KIF26B: variants seen among roughly 807,000 people sequenced by gnomAD.
The protein encoded by KIF26B is kinesin family member 26B.
KIF26B carries 63 observed loss-of-function variants against 151.2 expected under a neutral mutation model. The observed-to-expected ratio is 0.42, with a 90% CI of 0.34 to 0.51. KIF26B has a LOEUF of 0.51. Among genes scored for constraint, KIF26B ranks in the 20% least tolerant of loss-of-function variants. The pLI is 0.07. For synonymous variants in KIF26B, 1,357 were observed against 1,262.1 expected (o/e 1.08, Z -1.59); for missense variants, 2,813 against 2,913.6 (o/e 0.97, Z 0.79).
intron 3 of KIF26B, among the ~76,000 whole-genome samples, chr1:245,396,635 C>CA (rs34135318): frequency 2.4e-3 from 320 of 134,780 alleles, no homozygotes; most frequent in Non-Finnish European, 3.9e-3. Context: ...AACTCCATCT[C>CA]AAAAAAAAAA....
chr1:245,548,194 C>T (rs972224613), intron 5 of KIF26B, among the ~76,000 whole-genome samples: 1 of 152,112 alleles, frequency 6.6e-6, no homozygotes, highest in Admixed American at 6.5e-5. Flanking sequence ...AGGTTGTTAG[C>T]TTCTTGGGAG....
intron 4 of KIF26B, among the ~76,000 whole-genome samples, chr1:245,430,724 C>T (rs1004756950): frequency 6.6e-6 from 1 of 152,112 alleles, no homozygotes; most frequent in South Asian, 2.1e-4. Flanking sequence ...ATATGCCACA[C>T]ACTATTCTGA....
chr1:245,251,285 C>T (rs1436965063), intron 2 of KIF26B, among the ~76,000 whole-genome samples: 2 of 152,092 alleles, frequency 1.3e-5, no homozygotes, highest in Admixed American at 1.3e-4. Flanking sequence ...ATGGTAGGAA[C>T]CCTCCTGAAA....
Position 245,575,452 on chromosome 1 carries a change from G to A in KIF26B, c.1351-27125G>A, listed in dbSNP as rs540272444. 2.0e-5 allele frequency among the ~76,000 whole-genome samples: 3 copies of A among 151,600 alleles called. No homozygotes were observed. The South Asian group carries it at 6.3e-4, about 32-fold the overall frequency. On this transcript the variant is annotated intron_variant, in intron 5 of 14. Transcript: ENST00000407071. ...ATCGTGCCACTATACTCCAGCCTGG[G>A]CAACAGTGTGGGACTCCATCTCAAA...
intron 3 of KIF26B, among the ~76,000 whole-genome samples, chr1:245,378,498 C>T (rs1005781874): frequency 6.6e-6 from 1 of 152,196 alleles, no homozygotes; most frequent in Non-Finnish European, 1.5e-5. Flanking sequence ...ATGCTTTTCA[C>T]AGTCGTCTTG....
chr1:245,185,550 C>T (rs1668985456), intron 2 of KIF26B, among the ~76,000 whole-genome samples: 1 of 152,242 alleles, frequency 6.6e-6, no homozygotes, highest in African/African-American at 2.4e-5. Flanking sequence ...TGTCAATCAA[C>T]AAACACTGTG....
intron 10 of KIF26B, 129 bp downstream of exon 10, chr1:245,646,409 G>T: frequency 1.1e-6 from 1 of 950,636 alleles, no homozygotes; most frequent in South Asian, 2.1e-5. Context: ...CAGTGCCAGA[G>T]ACCAGCCTTA....
At position 245,647,898 on chromosome 1, in the gene KIF26B, T is replaced by C. The variant is rs188439827; in HGVS notation, c.2258+1618T>C. ...CTAGTTGGATAAACCCAGAAATGGTTTTCCCGGCTCTTGTAACAACCCTTT... is the reference window on the plus strand; with the variant it reads ...CTAGTTGGATAAACCCAGAAATGGTCTTCCCGGCTCTTGTAACAACCCTTT... On this transcript the variant is annotated intron_variant, in intron 10 of 14. Coordinates refer to ENST00000407071, the MANE Select transcript of KIF26B (RefSeq NM_018012.4). Among the ~76,000 whole-genome samples the C allele has an allele frequency of 1.5e-3, 235 of 152,368 alleles. 2 individuals carry two copies. The highest frequency in any genetic ancestry group is 2.2e-3 in the Non-Finnish European group (152 of 68,038).
rs2044477662 is a variant in KIF26B at position 245,684,263 on chromosome 1, GTC to G, written c.2293_2294del (p.Leu765GlyfsTer77). ...GCAAGCTCGCCATGTTGCTGCGGGA[GTC>G]TCTGGGGAACATGAACTGCCGTACC... is the stretch of plus-strand genomic sequence containing the variant. ...ESKLAMLLRE[S>X]LGNMNCRTTM... On this transcript the variant is annotated frameshift_variant, in exon 11 of 15. Transcript: ENST00000407071. LOFTEE classifies it high-confidence loss of function. 6.2e-7 allele frequency: 1 copy of G among 1,613,682 alleles called. No homozygotes were observed. Among genetic ancestry groups the G allele is most frequent in the African/African-American group, 1.3e-5 (1 of 74,930 alleles).
intron 5 of KIF26B, among the ~76,000 whole-genome samples, chr1:245,558,074 C>T (rs1428978348): frequency 6.6e-6 from 1 of 152,190 alleles, no homozygotes; most frequent in Non-Finnish European, 1.5e-5. Context: ...TCAACTACAG[C>T]CTCGTAGATT....
intron 2 of KIF26B, among the ~76,000 whole-genome samples, chr1:245,172,741 C>T (rs891299334): frequency 9.9e-5 from 15 of 152,090 alleles, no homozygotes; most frequent in African/African-American, 3.1e-4. Flanking sequence ...ACCCAGGAGG[C>T]GGAGGTTGCA....
Position 245,558,988 on chromosome 1 carries a change from T to C in KIF26B, c.1350+18038T>C, listed in dbSNP as rs147333215. Among the ~76,000 whole-genome samples the C allele has an allele frequency of 3.3e-5, 5 of 152,362 alleles. No homozygotes were observed. The East Asian group carries it at 7.7e-4, about 23-fold the overall frequency. On this transcript the variant is annotated intron_variant, in intron 5 of 14. Transcript: ENST00000407071. ...ATGTAAGAAAAACAGCTCATTGTTA[T>C]ATGATGCACACTGAACACCATCGTG...
intron 2 of KIF26B, among the ~76,000 whole-genome samples, chr1:245,355,432 C>T (rs1221334024): frequency 6.6e-6 from 1 of 151,690 alleles, no homozygotes; most frequent in Admixed American, 6.6e-5. Context: ...TCCATCTCTA[C>T]AAAAAATACA....
At chr1:245,616,024 G>A (rs950184106) in intron 9 of KIF26B, among the ~76,000 whole-genome samples, 2 of 152,180 alleles carry the variant, frequency 1.3e-5, no homozygotes, top group Non-Finnish European at 2.9e-5. Flanking sequence ...TCTGCCGCAA[G>A]AACTAAATAG....
chr1:245,367,255 C>T lies in KIF26B; in HGVS notation c.887C>T (p.Thr296Ile), dbSNP rs1488622849. 1 of 1,607,196 alleles carries T rather than the reference C, an allele frequency of 6.2e-7. No homozygotes were observed. Among genetic ancestry groups the T allele is most frequent in the East Asian group, 2.2e-5 (1 of 44,622 alleles). ...GCCAAGGTCAGCCTCCAGATGGCCA[C>T]CAGTCCAAGCAATGGGAACATCCTC... ...HQAKVSLQMA[T>I]SPSNGNILNS... Residue 296 changes from threonine to isoleucine, a missense_variant, in exon 3 of 15, where the codon ACC becomes ATC. Transcript: ENST00000407071. The surrounding 1 kb of genome is among the most constrained non-coding windows in gnomAD (Gnocchi z 4.2).
intron 2 of KIF26B, among the ~76,000 whole-genome samples, chr1:245,255,642 G>A (rs898887426): frequency 6.6e-6 from 1 of 152,180 alleles, no homozygotes; most frequent in Admixed American, 6.5e-5. Context: ...GATCCAGAAG[G>A]CAGTGCTGCC....
At chr1:245,445,435 G>A (rs1208524500) in intron 4 of KIF26B, among the ~76,000 whole-genome samples, 1 of 152,178 alleles carries the variant, frequency 6.6e-6, no homozygotes, top group East Asian at 1.9e-4. Context: ...ATGATTATGG[G>A]ACTTTTGTCA....
chr1:245,673,105 C>G (rs1000451687), intron 10 of KIF26B, among the ~76,000 whole-genome samples: 1 of 140,006 alleles, frequency 7.1e-6, no homozygotes, highest in Non-Finnish European at 1.5e-5. Flanking sequence ...CATCTTAGGC[C>G]CAGTCCCCGC....
chr1:245,232,175 A>C (rs1248047119), intron 2 of KIF26B, among the ~76,000 whole-genome samples: 1 of 152,260 alleles, frequency 6.6e-6, no homozygotes, highest in Non-Finnish European at 1.5e-5. Flanking sequence ...GTTTTCACCA[A>C]ATCCAGAATC....
Sources: allele counts gnomAD v4.1 joint callset (sites outside exome capture counted in the v4.1 genomes callset), GRCh38; gene constraint gnomAD v4.1.1; non-coding constraint Gnocchi (gnomAD v3.1); transcripts MANE v1.5; gene names NCBI Gene and HGNC (gene_info 2026-07-23, HGNC 2026-07-21).